KCNJ6: variants seen among roughly 807,000 people sequenced by gnomAD.
KCNJ6 encodes the protein potassium inwardly rectifying channel subfamily J member 6.
A neutral mutation model predicts 34.2 loss-of-function variants in KCNJ6; 9 were observed. The observed-to-expected ratio is 0.26, with a 90% confidence interval of 0.16 to 0.46. KCNJ6 has a LOEUF of 0.46. Among genes scored for constraint, KCNJ6 ranks in the 20% least tolerant of loss-of-function variants. The pLI is 1.00. For synonymous variants in KCNJ6, 196 were observed against 207.1 expected (o/e 0.95, Z 0.46); for missense variants, 236 against 531.3 (o/e 0.44, Z 5.46).
intron 3 of KCNJ6, among the ~76,000 whole-genome samples, chr21:37,673,038 T>C (rs1239977904): frequency 6.6e-6 from 1 of 152,272 alleles, no homozygotes; most frequent in African/African-American, 2.4e-5. Flanking sequence ...GTCTCCTTTT[T>C]ACATTATTCT....
At chr21:37,712,907 C>T (rs2054769725) in intron 3 of KCNJ6, among the ~76,000 whole-genome samples, 1 of 151,836 alleles carries the variant, frequency 6.6e-6, no homozygotes, top group South Asian at 2.1e-4. Context: ...TATTTTGCAA[C>T]AGTGACTTTT....
At chr21:37,739,827 A>T (rs1026721558) in intron 2 of KCNJ6, among the ~76,000 whole-genome samples, 2 of 152,018 alleles carry the variant, frequency 1.3e-5, no homozygotes, top group African/African-American at 4.8e-5. Context: ...GTGAACTGGG[A>T]GAGGGCAGTG....
chr21:37,781,918 C>T (rs2123513074), intron 2 of KCNJ6, among the ~76,000 whole-genome samples: 1 of 152,280 alleles, frequency 6.6e-6, no homozygotes, highest in South Asian at 2.1e-4. Flanking sequence ...ATAATGTCCT[C>T]CCAAAGACGT....
At position 37,607,482 on chromosome 21, in the gene KCNJ6, A is replaced by ATATATATATAT; in HGVS notation, c.*17676_*17677insATATATATATA. ...CTTAAAGATATATATATATATATAT[A>ATATATATATAT]TTTTTTTTTTATTTTAAAAAAATTT... On this transcript the variant is annotated 3_prime_UTR_variant, in exon 4 of 4. Transcript: ENST00000609713. 6.6e-3 allele frequency: 898 copies of ATATATATATAT among 136,712 alleles called. 14 individuals carry two copies. Among genetic ancestry groups the ATATATATATAT allele is most frequent in the African/African-American group, 0.023 (845 of 36,432 alleles). The allele number at this position is 136,712 out of a possible 1,614,324, so 8.5% of individuals were successfully genotyped here.
chr21:37,713,510 A>C (rs924122957), intron 3 of KCNJ6, among the ~76,000 whole-genome samples: 4 of 152,084 alleles, frequency 2.6e-5, no homozygotes, highest in African/African-American at 9.7e-5. Flanking sequence ...ATGAGCGAAG[A>C]CGTCAGTAAA....
At chr21:37,882,371 T>C (rs139805565) in intron 1 of KCNJ6, among the ~76,000 whole-genome samples, 175 of 152,246 alleles carry the variant, frequency 1.1e-3, no homozygotes, top group African/African-American at 4.0e-3. Flanking sequence ...TAAAGTTTAG[T>C]TTCATAAACC....
At chr21:37,752,891 C>T (rs995359617) in intron 2 of KCNJ6, among the ~76,000 whole-genome samples, 14 of 152,216 alleles carry the variant, frequency 9.2e-5, no homozygotes, top group African/African-American at 3.1e-4. Flanking sequence ...GGCTCTGCCC[C>T]TGCCCTGGAA....
At position 37,677,131 on chromosome 21, in the gene KCNJ6, T is replaced by G. The variant is rs535180787; in HGVS notation, c.946+37080A>C. ...ACGATGCTGGCAGTGCCCACCACTC[T>G]GCTGGCCTTGGACTGCAGGACTGGT... On this transcript the variant is annotated intron_variant, in intron 3 of 3. Coordinates refer to ENST00000609713, the MANE Select transcript of KCNJ6 (RefSeq NM_002240.5). Among the ~76,000 whole-genome samples the G allele has an allele frequency of 3.9e-5, 6 of 152,368 alleles. No individual in the cohort carries two copies. The South Asian group carries it at 1.2e-3, about 32-fold the overall frequency.
intron 1 of KCNJ6, among the ~76,000 whole-genome samples, chr21:37,849,016 A>G (rs1159436238): frequency 6.6e-6 from 1 of 152,234 alleles, no homozygotes; most frequent in East Asian, 1.9e-4. Flanking sequence ...ATTGTAAAAT[A>G]TAGGACAAGC....
chr21:37,632,480 GAATT>G (rs2054338297), intron 3 of KCNJ6, among the ~76,000 whole-genome samples: 1 of 152,004 alleles, frequency 6.6e-6, no homozygotes, highest in South Asian at 2.1e-4. Context: ...ATGAACAACA[GAATT>G]AATTCACGGG....
intron 2 of KCNJ6, among the ~76,000 whole-genome samples, chr21:37,835,309 G>A (rs376914837): frequency 2.0e-5 from 3 of 152,168 alleles, no homozygotes; most frequent in Non-Finnish European, 2.9e-5. Flanking sequence ...AAGGGATCCT[G>A]CAGCCAGGAG....
intron 3 of KCNJ6, among the ~76,000 whole-genome samples, chr21:37,629,742 T>C (rs538002254): frequency 1.6e-4 from 25 of 152,332 alleles, no homozygotes; most frequent in African/African-American, 6.0e-4. Context: ...GGTACTTTGT[T>C]ATGGCAGCAA....
intron 2 of KCNJ6, among the ~76,000 whole-genome samples, chr21:37,811,940 GCCATC>G (rs1453418382): frequency 4.6e-5 from 7 of 152,078 alleles, no homozygotes; most frequent in Admixed American, 1.3e-4. Flanking sequence ...CAAACATAAA[GCCATC>G]CCAAAAAGAT....
intron 2 of KCNJ6, among the ~76,000 whole-genome samples, chr21:37,726,155 CT>C (rs1310465257): frequency 2.0e-5 from 3 of 152,180 alleles, no homozygotes; most frequent in African/African-American, 7.2e-5. Flanking sequence ...ATCCACCCCC[CT>C]CGTCCTTCCA....
rs1004438089 is a variant in KCNJ6, at chr21:37,622,222, C to A, written c.*2937G>T. The stretch of plus-strand genomic sequence containing the variant: ...AAAGGATCTAGTTGAGAGTGATCTT[C>A]ATTAGTTATGGATACTGTTGTATTA... On this transcript the variant is annotated 3_prime_UTR_variant, in exon 4 of 4. Coordinates refer to ENST00000609713, the MANE Select transcript of KCNJ6 (RefSeq NM_002240.5). The A allele has an allele frequency of 2.0e-5, 3 of 152,160 alleles. No individual in the cohort carries two copies. Among genetic ancestry groups the A allele is most frequent in the Non-Finnish European group, 2.9e-5 (2 of 68,036 alleles). 9.4% of individuals were successfully genotyped at this position (152,160 alleles called of 1,614,324 possible).
intron 3 of KCNJ6, among the ~76,000 whole-genome samples, chr21:37,635,438 G>A (rs550872740): frequency 2.6e-5 from 4 of 152,092 alleles, no homozygotes; most frequent in East Asian, 3.9e-4. Flanking sequence ...GGCTGGTCTC[G>A]AATTCCTGAC....
intron 3 of KCNJ6, among the ~76,000 whole-genome samples, chr21:37,629,795 T>G (rs1246730320): frequency 6.6e-6 from 1 of 152,230 alleles, no homozygotes; most frequent in Admixed American, 6.5e-5. Context: ...GGAAAATACC[T>G]TTCCGTAGTG....
At position 37,667,996 on chromosome 21, in the gene KCNJ6, A is replaced by C. The variant is rs193217042; in HGVS notation, c.947-42512T>G. On this transcript the variant is annotated intron_variant, in intron 3 of 3. Transcript: ENST00000609713. The stretch of plus-strand genomic sequence containing the variant: ...CGCAGGGGCCTGGGCTTTACTCCAC[A>C]ATTCTGATGTCATTGGATGCAGTGG... 2.5e-3 allele frequency among the ~76,000 whole-genome samples: 373 copies of C among 152,210 alleles called. 2 individuals are homozygous for C. The highest frequency in any genetic ancestry group is 3.9e-3 in the Non-Finnish European group (268 of 68,002).
chr21:37,674,523 G>A (rs575643463), intron 3 of KCNJ6, among the ~76,000 whole-genome samples: 33 of 150,834 alleles, frequency 2.2e-4, no homozygotes, highest in Non-Finnish European at 3.8e-4. Context: ...CACTGGCTCC[G>A]CCGAGTCAGG....
Sources: allele counts gnomAD v4.1 joint callset (sites outside exome capture counted in the v4.1 genomes callset), GRCh38; gene constraint gnomAD v4.1.1; transcripts MANE v1.5; gene names NCBI Gene and HGNC (gene_info 2026-07-23, HGNC 2026-07-21).